Variants in PRTFDC1 observed in about 807,000 individuals in gnomAD.
PRTFDC1 encodes phosphoribosyltransferase domain-containing protein 1.
A neutral mutation model predicts 34.6 loss-of-function variants in PRTFDC1; 38 were observed. The observed-to-expected ratio is 1.10, with a 90% CI of 0.85 to 1.44. The LOEUF is 1.44. PRTFDC1 is among the 40% of genes most tolerant of loss of function. The probability of loss-of-function intolerance (pLI) is 0.00; values close to 1 mark genes in which losing one functional copy is unlikely to be tolerated. For missense variants in PRTFDC1, 270 were observed against 283.0 expected (o/e 0.95, Z 0.33); for synonymous variants, 93 against 98.1 (o/e 0.95, Z 0.31).
chr10:24,852,215 C>T (rs1019507864), intron 7 of PRTFDC1, among the ~76,000 whole-genome samples: 6 of 151,714 alleles, frequency 4.0e-5, no homozygotes, highest in Admixed American at 1.3e-4. Flanking sequence ...CCGAGTCTCG[C>T]GATCTTGGCT....
At chr10:24,929,614 TAGCTA>T (rs1848940602) in intron 3 of PRTFDC1, among the ~76,000 whole-genome samples, 1 of 152,198 alleles carries the variant, frequency 6.6e-6, no homozygotes, top group Non-Finnish European at 1.5e-5. Flanking sequence ...GTACAGAGGT[TAGCTA>T]ACCAAATTGG....
Position 24,937,348 on chromosome 10 carries a change from C to A in PRTFDC1, c.175G>T (p.Asp59Tyr). Residue 59 changes from aspartate (D) to tyrosine (Y), a missense_variant, in exon 3 of 9, where the codon GAT becomes TAT. Coordinates refer to ENST00000320152, the MANE Select transcript of PRTFDC1 (RefSeq NM_020200.7). ...CTATATCCTATGTCTTTCATAATAT[C>A]CTTGGCCAGCCGCTCAATTCTGAAA... ...IVDRIERLAK[D>Y]IMKDIGYSDI... The A allele has an allele frequency of 1.9e-6, 3 of 1,608,304 alleles. No individual in the cohort carries two copies. Among genetic ancestry groups the A allele is most frequent in the Non-Finnish European group, 2.5e-6 (3 of 1,178,476 alleles).
At chr10:24,851,923 G>A (rs541977561) in intron 7 of PRTFDC1, among the ~76,000 whole-genome samples, 6 of 151,976 alleles carry the variant, frequency 3.9e-5, no homozygotes, top group South Asian at 2.1e-4. Flanking sequence ...CAATTCTCCC[G>A]CTGTACTCAG....
intron 3 of PRTFDC1, among the ~76,000 whole-genome samples, chr10:24,918,117 G>C (rs1848725210): frequency 1.3e-5 from 2 of 152,136 alleles, no homozygotes; most frequent in Admixed American, 1.3e-4. Flanking sequence ...GAGTCCCAAT[G>C]ATCTTCACAA....
chr10:24,922,155 C>T (rs889160199), intron 3 of PRTFDC1, among the ~76,000 whole-genome samples: 1 of 152,060 alleles, frequency 6.6e-6, no homozygotes, highest in Non-Finnish European at 1.5e-5. Context: ...AAAAGATTTT[C>T]CTGGTCTTGA....
chr10:24,910,476 A>G (rs1000864914), intron 3 of PRTFDC1, among the ~76,000 whole-genome samples: 1 of 152,204 alleles, frequency 6.6e-6, no homozygotes, highest in Non-Finnish European at 1.5e-5. Context: ...ATGAAAATAC[A>G]GTGTATGATC....
At chr10:24,942,884 G>T (rs1406446423) in intron 1 of PRTFDC1, among the ~76,000 whole-genome samples, 2 of 152,108 alleles carry the variant, frequency 1.3e-5, no homozygotes, top group African/African-American at 2.4e-5. Flanking sequence ...CTGACCTCAA[G>T]TGATCCACCT....
intron 6 of PRTFDC1, 65 bp downstream of exon 6, chr10:24,856,848 G>A (rs970259882): frequency 5.9e-6 from 8 of 1,362,054 alleles, no homozygotes; most frequent in Non-Finnish European, 8.4e-6. Context: ...AGCATCCTGT[G>A]TTAGCATCCC....
At position 24,848,708 on chromosome 10, in the gene PRTFDC1, T is replaced by G. The variant is rs1847430715; in HGVS notation, c.*1136A>C. On this transcript the variant is annotated 3_prime_UTR_variant, in exon 9 of 9. Coordinates refer to ENST00000320152, the MANE Select transcript of PRTFDC1 (RefSeq NM_020200.7). ...ATACGGTTCAGAACCAAACAAAAGCTGCTTAGTTATTTATTTTGCATTTGC... is the reference window on the plus strand; with the variant it reads ...ATACGGTTCAGAACCAAACAAAAGCGGCTTAGTTATTTATTTTGCATTTGC... 1 of 152,174 alleles carries G rather than the reference T, an allele frequency of 6.6e-6. No individual in the cohort carries two copies. The highest frequency in any genetic ancestry group is 2.4e-5 in the African/African-American group (1 of 41,446). The allele number at this position is 152,174 out of a possible 1,614,324, so 9.4% of individuals were successfully genotyped here. A position where few individuals can be genotyped will look rare whatever the true frequency, so the allele number is the denominator to read the frequency against.
chr10:24,937,411 A>C (rs1849070767), intron 2 of PRTFDC1, 44 bp from the exon 3 acceptor site: 1 of 1,525,024 alleles, frequency 6.6e-7, no homozygotes, highest in Non-Finnish European at 9.0e-7. Context: ...ACTACTTCTG[A>C]GTATTTATGT....
intron 3 of PRTFDC1, among the ~76,000 whole-genome samples, chr10:24,895,326 A>ACTGCAACCT (rs1269168247): frequency 8.1e-6 from 1 of 122,888 alleles, no homozygotes; most frequent in Non-Finnish European, 1.6e-5. Flanking sequence ...ATCTTGGCTC[A>ACTGCAACCT]CTGCAACCTC....
chr10:24,934,251 A>G (rs200787083), intron 3 of PRTFDC1, among the ~76,000 whole-genome samples: 416 of 27,570 alleles, frequency 0.015, 6 homozygotes, highest in East Asian at 0.063. Context: ...GAAGAAGGAG[A>G]AGAAGAAGAA....
rs1299470037 is a variant in PRTFDC1 at position 24,849,844 on chromosome 10, T to C, written c.678A>G (p.Ter226=). ...ACTTTAGTGGTGAGAATTCATGTCT[T>C]TAGACTCGATATTTTTCTTTACCGT... The part of the protein sequence containing the change: ...NEHGKEKYRV[*] The change falls in exon 9 of 9, where the codon TAA becomes TAG. Residue 226 remains the stop codon, a stop_retained_variant. Coordinates refer to ENST00000320152, the MANE Select transcript of PRTFDC1 (RefSeq NM_020200.7). The C allele has an allele frequency of 6.2e-7, 1 of 1,613,898 alleles. No homozygotes were observed. Among genetic ancestry groups the C allele is most frequent in the South Asian group, 1.1e-5 (1 of 91,060 alleles).
intron 3 of PRTFDC1, among the ~76,000 whole-genome samples, chr10:24,880,891 CCTTTCTTTCTTTCCAT>C (rs1332318312): frequency 2.2e-4 from 31 of 138,878 alleles, no homozygotes; most frequent in African/African-American, 8.1e-4. Flanking sequence ...CTCTTTCCTT[CCTTTCTTTCTTTCCAT>C]CTTTCTTTCT....
rs574562228 is a variant in PRTFDC1 at position 24,945,815 on chromosome 10, C to A, written c.49-3379G>T. Among the ~76,000 whole-genome samples, 23 of 152,296 alleles carry A rather than the reference C, an allele frequency of 1.5e-4. No individual in the cohort carries two copies. The East Asian group carries it at 3.3e-3, about 22-fold the overall frequency. ...TGCTCTCCCTCTACCATCAAACTGG[C>A]CGGTGGGACTGCTGGATTTGCACCA... On this transcript the variant is annotated intron_variant, in intron 1 of 8. Coordinates refer to ENST00000320152, the MANE Select transcript of PRTFDC1 (RefSeq NM_020200.7).
At chr10:24,913,005 C>T (rs1453777489) in intron 3 of PRTFDC1, among the ~76,000 whole-genome samples, 1 of 152,182 alleles carries the variant, frequency 6.6e-6, no homozygotes, top group Non-Finnish European at 1.5e-5. Context: ...AGAGAAAATT[C>T]CACTTACAAT....
At chr10:24,869,103 A>G (rs1298457937) in intron 4 of PRTFDC1, among the ~76,000 whole-genome samples, 1 of 152,206 alleles carries the variant, frequency 6.6e-6, no homozygotes, top group Non-Finnish European at 1.5e-5. Context: ...TCGTCGCTCT[A>G]CATTGCCATT....
At chr10:24,917,685 G>C (rs959961817) in intron 3 of PRTFDC1, among the ~76,000 whole-genome samples, 4 of 152,216 alleles carry the variant, frequency 2.6e-5, no homozygotes, top group African/African-American at 9.6e-5. Context: ...TGTCCATCAG[G>C]GGGCAGAGAT....
chr10:24,925,057 T>C (rs1848848945), intron 3 of PRTFDC1, among the ~76,000 whole-genome samples: 1 of 152,188 alleles, frequency 6.6e-6, no homozygotes, highest in African/African-American at 2.4e-5. Flanking sequence ...TAGCAAAGAC[T>C]TGGAACCAAC....
Sources: gnomAD v4.1 joint callset for allele counts (sites outside exome capture counted in the v4.1 genomes callset) on GRCh38, gnomAD v4.1.1 for gene constraint, MANE v1.5 for transcripts, NCBI Gene and HGNC (gene_info 2026-07-23, HGNC 2026-07-21) for gene names.